Variants in GPR137B observed in about 807,000 individuals in gnomAD.
GPR137B encodes integral membrane protein GPR137B.
GPR137B carries 42 observed loss-of-function variants against 42.5 expected under a neutral mutation model. The observed-to-expected ratio is 0.99, with a 90% CI of 0.77 to 1.28. The LOEUF (loss-of-function observed/expected upper bound fraction) is 1.28. GPR137B is among the 50% of genes most tolerant of loss of function. GPR137B has a pLI of 0.00. For missense variants in GPR137B, 487 were observed against 493.9 expected (o/e 0.99, Z 0.13); for synonymous variants, 218 against 209.7 (o/e 1.04, Z -0.34).
At chr1:236,183,946 A>G (rs745572088) in intron 5 of GPR137B, 40 bp downstream of exon 5, 27 of 1,444,330 alleles carry the variant, frequency 1.9e-5, no homozygotes, top group Non-Finnish European at 2.6e-5. Flanking sequence ...AATGTCTCCT[A>G]ATTCTGATCA....
At chr1:236,149,925 C>T (rs1490267691) in intron 1 of GPR137B, among the ~76,000 whole-genome samples, 5 of 150,596 alleles carry the variant, frequency 3.3e-5, no homozygotes, top group African/African-American at 7.3e-5. Context: ...CGTGTGGCTG[C>T]GTGCACCTGT....
intron 1 of GPR137B, among the ~76,000 whole-genome samples, chr1:236,148,981 C>G (rs188103748): frequency 6.6e-6 from 1 of 152,084 alleles, no homozygotes; most frequent in Non-Finnish European, 1.5e-5. Flanking sequence ...TCCCATGGGT[C>G]GGAGTGGGTT....
chr1:236,182,258 A>G (rs565242473), intron 4 of GPR137B, among the ~76,000 whole-genome samples: 1 of 152,276 alleles, frequency 6.6e-6, no homozygotes, highest in East Asian at 1.9e-4. Flanking sequence ...TGCAGCCATC[A>G]TCACCATCCA....
intron 1 of GPR137B, among the ~76,000 whole-genome samples, chr1:236,164,084 A>G (rs754969053): frequency 1.3e-5 from 2 of 151,292 alleles, no homozygotes; most frequent in Non-Finnish European, 1.5e-5. Flanking sequence ...CACACCTCTC[A>G]CACTTCCTAC....
At chr1:236,186,500 C>G (rs12408980) in intron 5 of GPR137B, among the ~76,000 whole-genome samples, 4 of 141,042 alleles carry the variant, frequency 2.8e-5, no homozygotes, top group South Asian at 2.2e-4. Flanking sequence ...TCCCCACCCC[C>G]CTACAGGCCC....
At chr1:236,152,468 T>C (rs568510282) in intron 1 of GPR137B, among the ~76,000 whole-genome samples, 6 of 151,178 alleles carry the variant, frequency 4.0e-5, no homozygotes, top group Middle Eastern at 3.5e-3. Flanking sequence ...CTCAAAAAAA[T>C]GTATTGGGGC....
At position 236,202,819 on chromosome 1, in the gene GPR137B, C is replaced by T. The variant is rs1179831573; in HGVS notation, c.967-2307C>T. 2.0e-5 allele frequency among the ~76,000 whole-genome samples: 3 copies of T among 152,188 alleles called. No homozygotes were observed. The East Asian group carries it at 5.8e-4, about 29-fold the overall frequency. ...TCTTGGCGATATTCCCCAATGTTTTCTTGTAGTAGTTTCACAGTTTGAGGT... is the reference window on the plus strand; with the variant it reads ...TCTTGGCGATATTCCCCAATGTTTTTTTGTAGTAGTTTCACAGTTTGAGGT... On this transcript the variant is annotated intron_variant, in intron 5 of 6. Coordinates refer to ENST00000366592, the MANE Select transcript of GPR137B (RefSeq NM_003272.4).
intron 5 of GPR137B, among the ~76,000 whole-genome samples, chr1:236,191,808 G>A (rs1220814426): frequency 2.0e-5 from 3 of 152,130 alleles, no homozygotes; most frequent in South Asian, 2.1e-4. Flanking sequence ...GGGGGTCATC[G>A]ACCCACTGAA....
At chr1:236,161,055 G>A (rs1403595920) in intron 1 of GPR137B, among the ~76,000 whole-genome samples, 5 of 151,970 alleles carry the variant, frequency 3.3e-5, no homozygotes, top group African/African-American at 7.3e-5. Flanking sequence ...AAGGAACCCC[G>A]TGCCTCTTAG....
At chr1:236,163,857 A>G (rs1662268391) in intron 1 of GPR137B, among the ~76,000 whole-genome samples, 1 of 151,886 alleles carries the variant, frequency 6.6e-6, no homozygotes, top group Admixed American at 6.6e-5. Context: ...ATGCCTCCAC[A>G]CTTTTCACAC....
intron 5 of GPR137B, among the ~76,000 whole-genome samples, chr1:236,192,738 TCTGTGTCGATCTCG>T (rs1165967548): frequency 6.6e-6 from 1 of 152,072 alleles, no homozygotes; most frequent in Non-Finnish European, 1.5e-5. Context: ...TCACCCACCT[TCTGTGTCGATCTCG>T]CTGGGAGCTG....
chr1:236,161,703 C>A (rs1488314612), intron 1 of GPR137B, among the ~76,000 whole-genome samples: 1 of 152,282 alleles, frequency 6.6e-6, no homozygotes, highest in South Asian at 2.1e-4. Context: ...GTGAATAAGT[C>A]TCACAAGATC....
chr1:236,194,030 C>T (rs1663269598), intron 5 of GPR137B, among the ~76,000 whole-genome samples: 1 of 152,114 alleles, frequency 6.6e-6, no homozygotes, highest in South Asian at 2.1e-4. Flanking sequence ...TCAGTAGAAA[C>T]TATAATTGAA....
At chr1:236,187,593 T>A (rs71642835) in intron 5 of GPR137B, among the ~76,000 whole-genome samples, 50,429 of 151,956 alleles carry the variant, frequency 0.33, 8,953 homozygotes, top group East Asian at 0.6. Flanking sequence ...AGGAAATCTT[T>A]CCCCATTGCT....
At chr1:236,182,331 G>T (rs1662909979) in intron 4 of GPR137B, among the ~76,000 whole-genome samples, 1 of 151,958 alleles carries the variant, frequency 6.6e-6, no homozygotes, top group Admixed American at 6.6e-5. Flanking sequence ...CAAAGATTTG[G>T]GTTTAACAAA....
Position 236,171,368 on chromosome 1 carries a change from T to C in GPR137B, c.464+2613T>C, listed in dbSNP as rs1662532823. Among the ~76,000 whole-genome samples the C allele has an allele frequency of 6.6e-6, 1 of 152,292 alleles. No individual in the cohort carries two copies. The highest frequency in any genetic ancestry group is 2.4e-5 in the African/African-American group (1 of 41,560). On this transcript the variant is annotated intron_variant, in intron 2 of 6. Coordinates refer to ENST00000366592, the MANE Select transcript of GPR137B (RefSeq NM_003272.4). This position sits in a 1 kb window ranked among gnomAD's most constrained non-coding sequence, Gnocchi z 4.4. The stretch of plus-strand genomic sequence containing the variant: ...TCCTCTGCATCTATAGTCTTTGCCC[T>C]GCATCCCCCCAGCCAGAAATGTAGG...
chr1:236,161,428 C>T (rs982094046), intron 1 of GPR137B, among the ~76,000 whole-genome samples: 4 of 151,914 alleles, frequency 2.6e-5, no homozygotes, highest in Non-Finnish European at 5.9e-5. Context: ...CTTCCCACGC[C>T]TCCATGCACT....
chr1:236,153,210 T>C (rs1661920871), intron 1 of GPR137B, among the ~76,000 whole-genome samples: 1 of 152,192 alleles, frequency 6.6e-6, no homozygotes, highest in African/African-American at 2.4e-5. Flanking sequence ...AGCTGTCACC[T>C]CTATCTAGGT....
chr1:236,148,779 T>G (rs1310758910), intron 1 of GPR137B, among the ~76,000 whole-genome samples: 1 of 152,032 alleles, frequency 6.6e-6, no homozygotes, highest in Admixed American at 6.6e-5. Flanking sequence ...TAGTCGGTGT[T>G]GGGAGCTCAT....
Sources: gnomAD v4.1 joint callset for allele counts (sites outside exome capture counted in the v4.1 genomes callset) on GRCh38, gnomAD v4.1.1 for gene constraint, Gnocchi (gnomAD v3.1) non-coding constraint, MANE v1.5 for transcripts, NCBI Gene and HGNC (gene_info 2026-07-23, HGNC 2026-07-21) for gene names.